The following SCN7A variants were observed in gnomAD, a reference collection of about 807,000 sequenced individuals.
SCN7A encodes sodium channel protein type 7 subunit alpha.
SCN7A carries 138 observed loss-of-function variants against 155.2 expected under a neutral mutation model. That is an observed-to-expected ratio of 0.89 (90% confidence interval 0.77 to 1.02). SCN7A has a LOEUF of 1.02. SCN7A is among the 50% of genes least tolerant of loss of function. The pLI is 0.00. For synonymous variants in SCN7A, 693 were observed against 649.0 expected (o/e 1.07, Z -1.03); for missense variants, 2,058 against 1,986.6 (o/e 1.04, Z -0.68).
At chr2:166,430,672 T>A (rs12622292) in intron 16 of SCN7A, among the ~76,000 whole-genome samples, 1 of 151,636 alleles carries the variant, frequency 6.6e-6, no homozygotes, top group Non-Finnish European at 1.5e-5. Flanking sequence ...GACCATGATA[T>A]ACTTCTGCAT....
At chr2:166,410,877 GTATCTTATGTAA>G (rs1423489305) in intron 23 of SCN7A, among the ~76,000 whole-genome samples, 2 of 151,878 alleles carry the variant, frequency 1.3e-5, no homozygotes, top group Non-Finnish European at 1.5e-5. Flanking sequence ...GCTAATTTCA[GTATCTTATGTAA>G]TATATGTGAA....
At chr2:166,458,446 T>C (rs902871970) in intron 10 of SCN7A, among the ~76,000 whole-genome samples, 2 of 152,134 alleles carry the variant, frequency 1.3e-5, no homozygotes, top group African/African-American at 4.8e-5. Flanking sequence ...CTATACATAT[T>C]AAAATTTTAT....
intron 3 of SCN7A, among the ~76,000 whole-genome samples, chr2:166,475,121 CATAT>C (rs1553520554): frequency 7.8e-5 from 8 of 102,198 alleles, no homozygotes; most frequent in South Asian, 5.8e-4. Context: ...TATATATATA[CATAT>C]ATATATATAT....
chr2:166,423,946 C>T (rs1016832348), intron 18 of SCN7A, among the ~76,000 whole-genome samples: 1 of 152,112 alleles, frequency 6.6e-6, no homozygotes, highest in African/African-American at 2.4e-5. Flanking sequence ...CAAAGCTTCT[C>T]AGTTTTAATG....
chr2:166,428,056 G>T (rs530025302), intron 17 of SCN7A, 114 bp from the exon 18 acceptor site: 45 of 1,073,352 alleles, frequency 4.2e-5, no homozygotes, highest in Middle Eastern at 6.2e-4. Context: ...TCTAATCCAG[G>T]TTGTCTCTGA....
Position 166,406,436 on chromosome 2 carries a change from C to G in SCN7A, c.4193G>C (p.Gly1398Ala). The change falls in exon 26 of 26, where the codon GGA becomes GCA. Residue 1398 changes from glycine to alanine, a missense_variant. Physicochemically the swap from Gly to Ala is moderately conservative, Grantham distance 60. Transcript: ENST00000643258. ...FLVMFIYAVF[G>A]MYNFAYVKKE... ...TTTAACATAGGCAAAATTATACATT[C>G]CAAATACGGCATAGATGAACATGAC... is the stretch of plus-strand genomic sequence containing the variant. 1.9e-6 allele frequency: 3 copies of G among 1,612,910 alleles called. No individual in the cohort carries two copies. Among genetic ancestry groups the G allele is most frequent in the Non-Finnish European group, 2.5e-6 (3 of 1,179,324 alleles).
At chr2:166,464,300 C>T (rs1702480421) in intron 9 of SCN7A, among the ~76,000 whole-genome samples, 1 of 151,846 alleles carries the variant, frequency 6.6e-6, no homozygotes, top group Non-Finnish European at 1.5e-5. Flanking sequence ...ATGCTCTCCT[C>T]CCCCAGAAGC....
intron 9 of SCN7A, among the ~76,000 whole-genome samples, chr2:166,463,951 G>A (rs1344558789): frequency 6.6e-6 from 1 of 151,968 alleles, no homozygotes; most frequent in Non-Finnish European, 1.5e-5. Context: ...AGCTACTTGA[G>A]AGGCAGAGGC....
intron 21 of SCN7A, among the ~76,000 whole-genome samples, chr2:166,414,158 T>TA (rs1701286225): frequency 1.6e-5 from 1 of 64,266 alleles, no homozygotes. Flanking sequence ...TAAATATATA[T>TA]AATATATTAT....
At chr2:166,423,079 A>AT (rs1701545153) in intron 19 of SCN7A, among the ~76,000 whole-genome samples, 180 bp downstream of exon 19, 1 of 152,094 alleles carries the variant, frequency 6.6e-6, no homozygotes, top group African/African-American at 2.4e-5. Context: ...AACTTTTAAA[A>AT]TTTTGGAATA....
At chr2:166,429,127 A>G in intron 17 of SCN7A, 42 bp downstream of exon 17, 1 of 1,147,128 alleles carries the variant, frequency 8.7e-7, no homozygotes, top group Non-Finnish European at 1.3e-6. Flanking sequence ...ACAACTTATA[A>G]TTCAAATTAG....
chr2:166,427,867 T>C lies in SCN7A; in HGVS notation c.2774A>G (p.Lys925Arg), dbSNP rs371485775. 1.2e-6 allele frequency: 2 copies of C among 1,612,678 alleles called. No individual in the cohort carries two copies. The highest frequency in any genetic ancestry group is 2.7e-5 in the African/African-American group (2 of 74,862). The change falls in exon 18 of 26, where the codon AAA becomes AGA. Residue 925 changes from lysine to arginine, a missense_variant. Coordinates refer to ENST00000643258, the MANE Select transcript of SCN7A (RefSeq NM_002976.4). ...GTTCTCTACAATCTTGCAGCAGGTT[T>C]TCCTGATGTTCTGCCAGATTTTTCC... Reference protein sequence around the residue: ...KKGKIWQNIRKTCCKIVENNW... With the variant: ...KKGKIWQNIRRTCCKIVENNW...
chr2:166,455,573 C>T (rs1482804677), intron 11 of SCN7A, among the ~76,000 whole-genome samples: 2 of 151,952 alleles, frequency 1.3e-5, no homozygotes, highest in Non-Finnish European at 2.9e-5. Context: ...AGGGCAAGGG[C>T]TGAAAAACTG....
chr2:166,411,167 T>A (rs929056694), intron 23 of SCN7A, among the ~76,000 whole-genome samples: 2 of 152,068 alleles, frequency 1.3e-5, no homozygotes, highest in Non-Finnish European at 2.9e-5. Context: ...TTCCACACTA[T>A]CAGTTAGCCA....
intron 11 of SCN7A, among the ~76,000 whole-genome samples, chr2:166,450,368 C>G (rs1032953915): frequency 6.5e-4 from 99 of 152,192 alleles, no homozygotes; most frequent in African/African-American, 2.1e-3. Flanking sequence ...GCCTATCGCT[C>G]ACTACCTGGG....
rs1701967482 is a variant in SCN7A, at chr2:166,441,747, T to C, written c.1806A>G (p.Arg602=). 2 of 1,597,088 alleles carry C rather than the reference T, an allele frequency of 1.3e-6. No individual in the cohort carries two copies. Among genetic ancestry groups the C allele is most frequent in the South Asian group, 1.1e-5 (1 of 87,828 alleles). ...GCCAATACTTTCCCAACTTGAAAATTCTTAACTAATAGAGCAATGTAAAAT... is the reference window on the plus strand; with the variant it reads ...GCCAATACTTTCCCAACTTGAAAATCCTTAACTAATAGAGCAATGTAAAAT... ...MALLRLFRML[R]IFKLGKYWPT... Residue 602 remains arginine, a synonymous_variant, in exon 15 of 26, where the codon AGA becomes AGG. Coordinates refer to ENST00000643258, the MANE Select transcript of SCN7A (RefSeq NM_002976.4).
intron 11 of SCN7A, among the ~76,000 whole-genome samples, chr2:166,455,535 G>T (rs1702255107): frequency 1.3e-5 from 2 of 151,982 alleles, no homozygotes; most frequent in Admixed American, 6.6e-5. Flanking sequence ...CAGACCTTGG[G>T]GACTACTAGA....
intron 21 of SCN7A, among the ~76,000 whole-genome samples, chr2:166,414,008 TACTATATATATGTAA>T (rs1701266333): frequency 2.7e-5 from 2 of 75,460 alleles, no homozygotes; most frequent in African/African-American, 1.1e-4. Flanking sequence ...TATATAAATA[TACTATATATATGTAA>T]ATATATATAA....
At chr2:166,430,708 C>T (rs1050862445) in intron 16 of SCN7A, among the ~76,000 whole-genome samples, 1 of 151,466 alleles carries the variant, frequency 6.6e-6, no homozygotes, top group African/African-American at 2.4e-5. Flanking sequence ...TTACAAAACA[C>T]GATGTAAATT....
Sources: gnomAD v4.1 joint callset for allele counts (sites outside exome capture counted in the v4.1 genomes callset) on GRCh38, gnomAD v4.1.1 for gene constraint, MANE v1.5 for transcripts, NCBI Gene and HGNC (gene_info 2026-07-23, HGNC 2026-07-21) for gene names.